Variants in PPARD observed in about 807,000 individuals in gnomAD.
The protein encoded by PPARD is peroxisome proliferator-activated receptor delta.
In PPARD, 6 loss-of-function variants were observed where a neutral mutation model predicts 39.5. The ratio of observed to expected loss-of-function variants is 0.15; its 90% CI spans 0.08 to 0.30. The LOEUF is 0.30. Among genes scored for constraint, PPARD ranks in the 10% least tolerant of loss-of-function variants. The pLI, the probability that PPARD is intolerant of heterozygous loss-of-function variation, is 1.00. For synonymous variants in PPARD, 210 were observed against 231.3 expected, an observed-to-expected ratio of 0.91 and a Z score of 0.83; for missense variants, 397 against 596.8, an observed-to-expected ratio of 0.67 and a Z score of 3.49.
chr6:35,347,343 C>T (rs1792245120), intron 2 of PPARD, among the ~76,000 whole-genome samples, 193 bp downstream of exon 2: 1 of 152,140 alleles, frequency 6.6e-6, no homozygotes, highest in South Asian at 2.1e-4. Flanking sequence ...AAGTCTATGG[C>T]TTACATAGTT....
intron 2 of PPARD, among the ~76,000 whole-genome samples, chr6:35,394,595 AC>A (rs908825145): frequency 6.6e-6 from 1 of 152,038 alleles, no homozygotes; most frequent in Non-Finnish European, 1.5e-5. Flanking sequence ...ACATGGTGAA[AC>A]CCCATCTCTA....
intron 2 of PPARD, among the ~76,000 whole-genome samples, chr6:35,381,537 G>T (rs575783884): frequency 1.3e-5 from 2 of 152,150 alleles, no homozygotes; most frequent in Admixed American, 6.5e-5. Context: ...TTGTATCATG[G>T]TCTAAGATGG....
At position 35,397,017 on chromosome 6, in the gene PPARD, C is replaced by T. The variant is rs9658113; in HGVS notation, c.-101-13970C>T. On this transcript the variant is annotated intron_variant, in intron 2 of 7. Coordinates refer to ENST00000360694, the MANE Select transcript of PPARD (RefSeq NM_006238.5). ...CAGCTCTCCTTGACCTTGAACCTTC[C>T]CTGAGGCCTCCAGAGGCAATTTCCT... Among the ~76,000 whole-genome samples the T allele has an allele frequency of 1.1e-3, 165 of 152,236 alleles. 1 individual carries two copies. The East Asian group carries it at 0.022, about 20-fold the overall frequency.
At position 35,424,316 on chromosome 6, in the gene PPARD, G is replaced by T. The variant is rs762434552; in HGVS notation, c.628-13G>T. The T allele has an allele frequency of 1.9e-5, 30 of 1,608,638 alleles. No individual in the cohort carries two copies. In the East Asian group the frequency reaches 6.3e-4, roughly 34 times the overall value. ...CTCCCGAGGCCTGATCTCTAACGGG[G>T]CCTGGTTTTCAGCCCTTTGTGATCC... On this transcript the variant is annotated splice_polypyrimidine_tract_variant and intron_variant, in intron 6 of 7. Coordinates refer to ENST00000360694, the MANE Select transcript of PPARD (RefSeq NM_006238.5). This position sits in a 1 kb window ranked among gnomAD's most constrained non-coding sequence, Gnocchi z 7.1.
At chr6:35,403,799 G>A (rs1329960557) in intron 2 of PPARD, among the ~76,000 whole-genome samples, 1 of 152,234 alleles carries the variant, frequency 6.6e-6, no homozygotes, top group African/African-American at 2.4e-5. Flanking sequence ...GTGCAGACAG[G>A]TCGCGAAGGA....
chr6:35,417,466 C>CTTT (rs1765850591), intron 3 of PPARD, among the ~76,000 whole-genome samples: 2 of 151,548 alleles, frequency 1.3e-5, no homozygotes, highest in Non-Finnish European at 2.9e-5. Flanking sequence ...TTTTTTTTTA[C>CTTT]TTTTTATAGA....
chr6:35,346,693 G>A (rs1792203598), intron 1 of PPARD, among the ~76,000 whole-genome samples: 1 of 152,196 alleles, frequency 6.6e-6, no homozygotes, highest in Admixed American at 6.5e-5. Context: ...CAGCAGGCTG[G>A]TGATTGGCAT....
chr6:35,421,315 TTTTTG>T (rs199709248), intron 4 of PPARD, among the ~76,000 whole-genome samples: 136 of 77,854 alleles, frequency 1.7e-3, no homozygotes, highest in East Asian at 4.3e-3. Context: ...TTGTGTTTTT[TTTTTG>T]TTTTGTTTTG....
intron 2 of PPARD, among the ~76,000 whole-genome samples, chr6:35,379,917 AAGGTCTTCT>A (rs1237253995): frequency 1.3e-5 from 2 of 152,204 alleles, no homozygotes; most frequent in African/African-American, 4.8e-5. Flanking sequence ...GCTAATCTCC[AAGGTCTTCT>A]AGGGGCACGT....
At chr6:35,384,548 G>C (rs765628642) in intron 2 of PPARD, among the ~76,000 whole-genome samples, 6,530 of 31,738 alleles carry the variant, frequency 0.21, no homozygotes, top group Non-Finnish European at 0.23. Context: ...CCTCTGCCCG[G>C]CCGCCCCTAC....
rs1246866192 is a variant in PPARD, at chr6:35,424,096, T to TGACCAAAAAGAAG, written c.577_589dup (p.Ala197AspfsTer70). The TGACCAAAAAGAAG allele has an allele frequency of 6.2e-7, 1 of 1,613,988 alleles. No individual in the cohort carries two copies. Among genetic ancestry groups the TGACCAAAAAGAAG allele is most frequent in the Admixed American group, 1.7e-5 (1 of 60,030 alleles). On this transcript the variant is annotated frameshift_variant, in exon 6 of 8. Transcript: ENST00000360694. LOFTEE classifies it high-confidence loss of function. This position sits in a 1 kb window ranked among gnomAD's most constrained non-coding sequence, Gnocchi z 7.1. The stretch of plus-strand genomic sequence containing the variant: ...AATGCCTACCTGAAAAACTTCAACA[T>TGACCAAAAAGAAG]GACCAAAAAGAAGGCCCGCAGCATC...
intron 2 of PPARD, among the ~76,000 whole-genome samples, chr6:35,410,030 TG>T (rs1765324866): frequency 6.6e-6 from 1 of 152,048 alleles, no homozygotes; most frequent in Non-Finnish European, 1.5e-5. Flanking sequence ...TTCTGATGAG[TG>T]GGTAGACAGG....
chr6:35,344,275 A>C (rs1315482560), intron 1 of PPARD, among the ~76,000 whole-genome samples: 1 of 152,032 alleles, frequency 6.6e-6, no homozygotes, highest in Non-Finnish European at 1.5e-5. Context: ...GAGGAACGGC[A>C]ATCCCAGAGC....
chr6:35,425,645 A>C lies in PPARD; in HGVS notation c.1079-187A>C, dbSNP rs1766522787. Among the ~76,000 whole-genome samples, 1 of 152,200 alleles carries C rather than the reference A, an allele frequency of 6.6e-6. No homozygotes were observed. The highest frequency in any genetic ancestry group is 2.1e-4 in the South Asian group (1 of 4,828). On this transcript the variant is annotated intron_variant, in intron 7 of 7. Transcript: ENST00000360694. This position sits in a 1 kb window ranked among gnomAD's most constrained non-coding sequence, Gnocchi z 4.5. ...GGTGGGGACAAATTGGCAAAAAACA[A>C]AAGAAGTGGATTAAGACCAGGGGTA...
intron 2 of PPARD, among the ~76,000 whole-genome samples, chr6:35,381,078 C>A (rs1163645538): frequency 6.6e-6 from 1 of 151,732 alleles, no homozygotes; most frequent in Non-Finnish European, 1.5e-5. Context: ...CTTCCGTGCA[C>A]CTCATTTTCC....
chr6:35,410,427 A>G (rs1196567552), intron 2 of PPARD, among the ~76,000 whole-genome samples: 5 of 152,366 alleles, frequency 3.3e-5, no homozygotes, highest in Non-Finnish European at 5.9e-5. Flanking sequence ...TGTCTCTGCT[A>G]TTGAGGCCAT....
intron 2 of PPARD, among the ~76,000 whole-genome samples, chr6:35,381,355 T>G (rs1201306432): frequency 6.6e-6 from 1 of 152,132 alleles, no homozygotes; most frequent in Non-Finnish European, 1.5e-5. Context: ...AAAACTAAAT[T>G]TAATTGGTTT....
chr6:35,369,323 A>G (rs1316629110), intron 2 of PPARD, among the ~76,000 whole-genome samples: 1 of 152,188 alleles, frequency 6.6e-6, no homozygotes, highest in East Asian at 1.9e-4. Flanking sequence ...CATAAAGTCC[A>G]CCTGTTGACA....
intron 1 of PPARD, among the ~76,000 whole-genome samples, chr6:35,345,848 G>A (rs1320106768): frequency 6.6e-6 from 1 of 151,730 alleles, no homozygotes; most frequent in African/African-American, 2.4e-5. Flanking sequence ...CTCTCTCTCA[G>A]GAGTTGGACC....
Sources: allele counts gnomAD v4.1 joint callset (sites outside exome capture counted in the v4.1 genomes callset), GRCh38; gene constraint gnomAD v4.1.1; non-coding constraint Gnocchi (gnomAD v3.1); transcripts MANE v1.5; gene names NCBI Gene and HGNC (gene_info 2026-07-23, HGNC 2026-07-21).